MRTFB: variants seen among roughly 807,000 people sequenced by gnomAD.
MRTFB encodes the protein myocardin-related transcription factor B.
In MRTFB, 29 loss-of-function variants were observed where a neutral mutation model predicts 104.2. The observed-to-expected ratio is 0.28, with a 90% confidence interval of 0.21 to 0.38. MRTFB has a LOEUF of 0.38. Among genes scored for constraint, MRTFB ranks in the 10% least tolerant of loss-of-function variants. The pLI is 1.00. For missense variants in MRTFB, 1,270 were observed against 1,341.6 expected, an observed-to-expected ratio of 0.95 and a Z score of 0.83; for synonymous variants, 535 against 519.5, an observed-to-expected ratio of 1.03 and a Z score of -0.41.
intron 2 of MRTFB, among the ~76,000 whole-genome samples, chr16:14,116,083 C>T (rs1027571826): frequency 6.6e-6 from 1 of 152,174 alleles, no homozygotes; most frequent in Non-Finnish European, 1.5e-5. Context: ...ACAGATGGGG[C>T]ACGCATTTCT....
chr16:14,022,869 G>A, the MRTFB span, among the ~76,000 whole-genome samples: 1 of 147,184 alleles, frequency 6.8e-6, no homozygotes, highest in African/African-American at 2.5e-5. Flanking sequence ...GCTACTTTTT[G>A]TATTTTTAGT....
intron 3 of MRTFB, chr16:14,187,025 T>C (rs2039979812): frequency 6.3e-7 from 1 of 1,595,384 alleles, no homozygotes; most frequent in African/African-American, 1.3e-5. Context: ...ACCAGAAAAG[T>C]CTCAAGGAAG....
In MRTFB at chr16:14,240,364, C is replaced by G. The variant is rs777765143; in HGVS notation, c.959C>G (p.Pro320Arg). 1 of 1,613,954 alleles carries G rather than the reference C, an allele frequency of 6.2e-7. No homozygotes were observed. Among genetic ancestry groups the G allele is most frequent in the Non-Finnish European group, 8.5e-7 (1 of 1,180,028 alleles). The change falls in exon 10 of 17, where the codon CCG (proline) becomes CGG (arginine). Residue 320 changes from proline (P) to arginine (R), a missense_variant. Pro to Arg is a moderately radical substitution (Grantham distance 103). Coordinates refer to ENST00000571589, the MANE Select transcript of MRTFB (RefSeq NM_001308142.2). ...GATCAGAAGGGTGAGAAGAATGAGC[C>G]GCAGATGGACTCTAACTACGCCCGC... is the stretch of plus-strand genomic sequence containing the variant. The part of the protein sequence containing the change: ...PPDQKGEKNE[P>R]QMDSNYARLL...
chr16:14,203,567 C>A (rs529503441), intron 3 of MRTFB, among the ~76,000 whole-genome samples: 1 of 151,878 alleles, frequency 6.6e-6, no homozygotes, highest in East Asian at 1.9e-4. Context: ...TTTGGGAGGC[C>A]AACGCGGATG....
chr16:14,099,275 T>G (rs959046763), intron 2 of MRTFB, among the ~76,000 whole-genome samples: 2 of 152,086 alleles, frequency 1.3e-5, no homozygotes, highest in Admixed American at 1.3e-4. Flanking sequence ...AGTAGAGATC[T>G]TACACATCTT....
chr16:14,200,930 A>G (rs886390863), intron 3 of MRTFB: 8 of 1,448,442 alleles, frequency 5.5e-6, no homozygotes, highest in Non-Finnish European at 7.8e-6. Context: ...TATTTTGGAA[A>G]GCAGTTTTTA....
At chr16:14,111,723 G>A (rs2036276570) in intron 2 of MRTFB, among the ~76,000 whole-genome samples, 1 of 152,166 alleles carries the variant, frequency 6.6e-6, no homozygotes, top group Non-Finnish European at 1.5e-5. Flanking sequence ...AGGTGCTGAA[G>A]CCTCAGAGAG....
chr16:14,175,967 G>A (rs188111403), intron 3 of MRTFB, among the ~76,000 whole-genome samples: 60 of 152,284 alleles, frequency 3.9e-4, no homozygotes, highest in Non-Finnish European at 7.5e-4. Context: ...CTGCAAAGGG[G>A]CAGGATAAAT....
the MRTFB span, among the ~76,000 whole-genome samples, chr16:14,052,195 G>C: frequency 6.6e-6 from 1 of 152,116 alleles, no homozygotes; most frequent in Admixed American, 6.6e-5. Context: ...ATTGTTGGGA[G>C]GATTACATGA....
intron 3 of MRTFB, among the ~76,000 whole-genome samples, chr16:14,173,882 A>G (rs1454538532): frequency 6.6e-6 from 1 of 152,166 alleles, no homozygotes; most frequent in African/African-American, 2.4e-5. Flanking sequence ...AGGTCCTGAT[A>G]TACAAAACAA....
At chr16:14,141,538 TCA>T (rs531094547) in intron 3 of MRTFB, 251 of 152,324 alleles carry the variant, frequency 1.6e-3, no homozygotes, top group African/African-American at 5.8e-3. Context: ...AGTCCCACAC[TCA>T]CAAGTATATT....
At chr16:14,123,048 C>T (rs137912278) in intron 2 of MRTFB, among the ~76,000 whole-genome samples, 6,460 of 152,190 alleles carry the variant, frequency 0.042, 491 homozygotes, top group African/African-American at 0.15. Flanking sequence ...CCAGTGATGA[C>T]GAGCATTTTT....
intron 3 of MRTFB, chr16:14,200,161 TGC>T: frequency 1.3e-6 from 1 of 766,906 alleles, no homozygotes; most frequent in Non-Finnish European, 2.0e-6. Flanking sequence ...CATCAAAGGA[TGC>T]CCCCAAAATG....
chr16:14,123,107 T>A (rs2036936784), intron 2 of MRTFB, among the ~76,000 whole-genome samples: 1 of 152,258 alleles, frequency 6.6e-6, no homozygotes, highest in Non-Finnish European at 1.5e-5. Flanking sequence ...AAGTGTCGGT[T>A]CACACCCTTT....
intron 2 of MRTFB, among the ~76,000 whole-genome samples, chr16:14,079,896 A>G (rs1187589050): frequency 6.6e-6 from 1 of 152,152 alleles, no homozygotes; most frequent in Admixed American, 6.5e-5. Context: ...CTATGGATAT[A>G]GAAGAATTTA....
Position 14,261,465 on chromosome 16 carries a change from A to G in MRTFB, c.*21A>G. ...ACTAACGTCACAGATTTCTTTTCTG[A>G]GAGTTGATGAGGTTTAAGAACATGA... On this transcript the variant is annotated 3_prime_UTR_variant, in exon 17 of 17. Coordinates refer to ENST00000571589, the MANE Select transcript of MRTFB (RefSeq NM_001308142.2). 1 of 1,563,662 alleles carries G rather than the reference A, an allele frequency of 6.4e-7. No homozygotes were observed. Among genetic ancestry groups the G allele is most frequent in the Non-Finnish European group, 8.7e-7 (1 of 1,152,378 alleles).
intron 2 of MRTFB, among the ~76,000 whole-genome samples, chr16:14,117,239 T>A (rs903233695): frequency 6.6e-6 from 1 of 152,226 alleles, no homozygotes; most frequent in Non-Finnish European, 1.5e-5. Context: ...GTTAAACCAC[T>A]GTACAAATAA....
chr16:14,052,810 A>G, the MRTFB span, among the ~76,000 whole-genome samples: 1 of 151,946 alleles, frequency 6.6e-6, no homozygotes, highest in African/African-American at 2.4e-5. Flanking sequence ...CTGCTGTACT[A>G]TCAAACACTT....
rs371557470 is a variant in MRTFB at position 14,236,733 on chromosome 16, C to T, written c.831+2450C>T. On this transcript the variant is annotated intron_variant, in intron 9 of 16. Transcript: ENST00000571589. ...CAGACAGGGTGTGGCCAGAGACCAG[C>T]GTCTGTAGAGCCTTGTAAGAAGTTA... is the stretch of plus-strand genomic sequence containing the variant. 2.2e-4 allele frequency among the ~76,000 whole-genome samples: 34 copies of T among 152,256 alleles called. No individual in the cohort carries two copies. In the East Asian group the frequency reaches 2.7e-3, roughly 12 times the overall value.
Sources: gnomAD v4.1 joint callset for allele counts (sites outside exome capture counted in the v4.1 genomes callset) on GRCh38, gnomAD v4.1.1 for gene constraint, MANE v1.5 for transcripts, NCBI Gene and HGNC (gene_info 2026-07-23, HGNC 2026-07-21) for gene names.